Variants in SNTG1 observed in about 807,000 individuals in gnomAD.
The protein encoded by SNTG1 is gamma-1-syntrophin.
A neutral mutation model predicts 74.7 loss-of-function variants in SNTG1; 39 were observed. That is an observed-to-expected ratio of 0.52 (90% CI 0.40 to 0.68). SNTG1 has a LOEUF of 0.68. SNTG1 is among the 30% of genes least tolerant of loss of function. The pLI, the probability that SNTG1 is intolerant of heterozygous loss-of-function variation, is 0.00. For synonymous variants in SNTG1, 254 were observed against 217.1 expected (o/e 1.17, Z -1.49); for missense variants, 685 against 609.5 (o/e 1.12, Z -1.30).
chr8:50,235,065 C>A (rs2085819853), intron 2 of SNTG1, among the ~76,000 whole-genome samples: 1 of 152,018 alleles, frequency 6.6e-6, no homozygotes, highest in Non-Finnish European at 1.5e-5. Context: ...TTAAGAAATG[C>A]TGACAAAATG....
chr8:50,604,966 T>C (rs2094802374), intron 13 of SNTG1, among the ~76,000 whole-genome samples: 1 of 152,124 alleles, frequency 6.6e-6, no homozygotes, highest in South Asian at 2.1e-4. Context: ...AGGTGATGAA[T>C]TGTCCCCAGA....
At chr8:50,191,899 A>G (rs2083592549) in intron 2 of SNTG1, among the ~76,000 whole-genome samples, 1 of 152,142 alleles carries the variant, frequency 6.6e-6, no homozygotes, top group Non-Finnish European at 1.5e-5. Flanking sequence ...GGAGAATTTC[A>G]TGGTCAATAA....
At chr8:50,227,886 G>A (rs1234892150) in intron 2 of SNTG1, among the ~76,000 whole-genome samples, 66 of 141,966 alleles carry the variant, frequency 4.6e-4, no homozygotes, top group Non-Finnish European at 7.7e-4. Context: ...AATGCAATAC[G>A]TCCAGCCTCC....
chr8:50,677,734 C>A (rs2095314837), intron 15 of SNTG1, among the ~76,000 whole-genome samples: 1 of 151,838 alleles, frequency 6.6e-6, no homozygotes. Flanking sequence ...CCTTCTGAAG[C>A]CTTCATCCAC....
At position 50,795,163 on chromosome 8, in the gene SNTG1, G is replaced by A. The variant is rs1483035714; in HGVS notation, c.*2334G>A. On this transcript the variant is annotated 3_prime_UTR_variant, in exon 19 of 19. Transcript: ENST00000642720. ...TATACTTTAAATTACGTTGTAAAATGTAGCTTGATTAAAAACTTATGACAA... is the reference window on the plus strand; with the variant it reads ...TATACTTTAAATTACGTTGTAAAATATAGCTTGATTAAAAACTTATGACAA... 1 of 151,934 alleles carries A rather than the reference G, an allele frequency of 6.6e-6. No homozygotes were observed. The highest frequency in any genetic ancestry group is 2.4e-5 in the African/African-American group (1 of 41,416). 9.4% of individuals were successfully genotyped at this position (151,934 alleles called of 1,614,324 possible).
At chr8:50,590,343 G>A (rs1435750958) in intron 12 of SNTG1, among the ~76,000 whole-genome samples, 1 of 152,048 alleles carries the variant, frequency 6.6e-6, no homozygotes, top group Non-Finnish European at 1.5e-5. Flanking sequence ...ATATGACAGA[G>A]GAAATGCTTT....
At chr8:49,917,016 CA>C (rs925296183) in intron 1 of SNTG1, among the ~76,000 whole-genome samples, 1 of 142,248 alleles carries the variant, frequency 7.0e-6, no homozygotes, top group Non-Finnish European at 1.5e-5. Context: ...GATTCTATCT[CA>C]AAAAAATATA....
chr8:50,077,501 G>C (rs1821998262), intron 1 of SNTG1, among the ~76,000 whole-genome samples: 1 of 152,138 alleles, frequency 6.6e-6, no homozygotes, highest in East Asian at 1.9e-4. Context: ...TGGTTATTAA[G>C]CATTATTTAA....
intron 15 of SNTG1, among the ~76,000 whole-genome samples, chr8:50,664,485 G>A (rs2095241005): frequency 6.6e-6 from 1 of 152,214 alleles, no homozygotes; most frequent in Non-Finnish European, 1.5e-5. Flanking sequence ...CACTTATTGA[G>A]TACTTTTTCT....
rs567805152 is a variant in SNTG1, at chr8:50,369,813, G to C, written c.-27-24399G>C. On this transcript the variant is annotated intron_variant, in intron 2 of 18. Transcript: ENST00000642720. ...CACCCAGTTTATGGTATTTATTATGGCAGCCCAAACTGACTCGATGCCAAG... is the reference window on the plus strand; with the variant it reads ...CACCCAGTTTATGGTATTTATTATGCCAGCCCAAACTGACTCGATGCCAAG... Among the ~76,000 whole-genome samples, 379 of 152,192 alleles carry C rather than the reference G, an allele frequency of 2.5e-3. 2 individuals carry two copies. Among genetic ancestry groups the C allele is most frequent in the African/African-American group, 8.7e-3 (362 of 41,534 alleles).
At chr8:50,410,784 T>A (rs1299034373) in intron 4 of SNTG1, among the ~76,000 whole-genome samples, 1 of 152,172 alleles carries the variant, frequency 6.6e-6, no homozygotes, top group East Asian at 1.9e-4. Context: ...TGTGCCTGAC[T>A]TATTTCACTA....
At chr8:50,626,421 G>GAC (rs147410554) in intron 13 of SNTG1, among the ~76,000 whole-genome samples, 6,549 of 152,210 alleles carry the variant, frequency 0.043, 248 homozygotes, top group African/African-American at 0.094. Context: ...ATGAAATAAA[G>GAC]ACACACACAG....
At chr8:50,578,654 G>A (rs1456144512) in intron 12 of SNTG1, among the ~76,000 whole-genome samples, 2 of 152,268 alleles carry the variant, frequency 1.3e-5, no homozygotes, top group South Asian at 2.1e-4. Context: ...TCTCATTATA[G>A]CGAGTGAGTT....
chr8:50,021,521 G>A (rs1270704214), intron 1 of SNTG1, among the ~76,000 whole-genome samples: 1 of 152,110 alleles, frequency 6.6e-6, no homozygotes, highest in East Asian at 1.9e-4. Flanking sequence ...TTTTCTGTAT[G>A]TATTAACTAA....
At chr8:50,018,625 C>G (rs1816551939) in intron 1 of SNTG1, among the ~76,000 whole-genome samples, 1 of 151,442 alleles carries the variant, frequency 6.6e-6, no homozygotes, top group South Asian at 2.1e-4. Context: ...ATATCAAAAG[C>G]AAAAAAGATA....
chr8:50,597,937 A>G (rs967681683), intron 13 of SNTG1, among the ~76,000 whole-genome samples: 1 of 151,588 alleles, frequency 6.6e-6, no homozygotes, highest in Non-Finnish European at 1.5e-5. Flanking sequence ...GAGTTTTTTG[A>G]GCTTCTTATA....
intron 1 of SNTG1, among the ~76,000 whole-genome samples, chr8:50,040,688 A>T (rs1818559335): frequency 6.6e-6 from 1 of 152,204 alleles, no homozygotes; most frequent in Non-Finnish European, 1.5e-5. Flanking sequence ...GCAAAGAAAG[A>T]CGTTATGTGA....
chr8:49,958,964 G>A (rs569355749), intron 1 of SNTG1, among the ~76,000 whole-genome samples: 70 of 152,244 alleles, frequency 4.6e-4, no homozygotes, highest in African/African-American at 1.6e-3. Context: ...GTGCTTTTAA[G>A]CATAAAATTA....
rs913035129 is a variant in SNTG1, at chr8:50,081,637, T to C, written c.-102-90924T>C. ...GTTTTTTTTGTTTTTGTTTTTGTTT[T>C]TGTTTGGTATTTTTTAGATGGAGTC... On this transcript the variant is annotated intron_variant, in intron 1 of 18. Coordinates refer to ENST00000642720, the MANE Select transcript of SNTG1 (RefSeq NM_018967.5). 4.6e-5 allele frequency among the ~76,000 whole-genome samples: 7 copies of C among 152,048 alleles called. 1 individual carries two copies. The highest frequency in any genetic ancestry group is 1.0e-4 in the Non-Finnish European group (7 of 68,012).
Sources: gnomAD v4.1 joint callset for allele counts (sites outside exome capture counted in the v4.1 genomes callset) on GRCh38, gnomAD v4.1.1 for gene constraint, MANE v1.5 for transcripts, NCBI Gene and HGNC (gene_info 2026-07-23, HGNC 2026-07-21) for gene names.